The following AHNAK variants were observed in gnomAD, a reference collection of about 807,000 sequenced individuals.
AHNAK encodes AHNAK nucleoprotein.
AHNAK carries 23 observed loss-of-function variants against 37.8 expected under a neutral mutation model. The ratio of observed to expected loss-of-function variants is 0.61; its 90% CI spans 0.44 to 0.86. The LOEUF is 0.86. AHNAK is among the 40% of genes least tolerant of loss of function. The pLI is 0.00. For missense variants in AHNAK, 7,411 were observed against 7,319.4 expected (o/e 1.01, Z -0.46); for synonymous variants, 2,481 against 2,636.3 (o/e 0.94, Z 1.80).
chr11:62,534,606 C>T lies in AHNAK; in HGVS notation c.342+397G>A, dbSNP rs556669954. Among the ~76,000 whole-genome samples, 13 of 152,374 alleles carry T rather than the reference C, an allele frequency of 8.5e-5. No individual in the cohort carries two copies. In the South Asian group the frequency reaches 2.1e-3, roughly 24 times the overall value. Reference sequence around the variant, plus strand: ...GACCAATGTCCCCACAGGCACTTTGCTGCCCAGCGTCTGACCCACAGAATG... The same window carrying T: ...GACCAATGTCCCCACAGGCACTTTGTTGCCCAGCGTCTGACCCACAGAATG... On this transcript the variant is annotated intron_variant, in intron 4 of 4. Transcript: ENST00000378024.
At chr11:62,514,102 T>A (rs1274914094), downstream of AHNAK, among the ~76,000 whole-genome samples, 1 of 152,110 alleles carries the variant, frequency 6.6e-6, no homozygotes, top group Non-Finnish European at 1.5e-5. Context: ...AAAAAAAAAT[T>A]TAATTGATAT....
intron 5 of AHNAK, among the ~76,000 whole-genome samples, chr11:62,437,714 A>T (rs909509120): frequency 1.3e-5 from 2 of 152,206 alleles, no homozygotes; most frequent in Admixed American, 1.3e-4. Context: ...CAGCAGGCAT[A>T]TCTATAGCTT....
intron 4 of AHNAK, 57 bp downstream of exon 4, chr11:62,534,946 A>G: frequency 6.4e-7 from 1 of 1,567,104 alleles, no homozygotes; most frequent in South Asian, 1.1e-5. Context: ...GAGTGGGGTC[A>G]GCAGGCCGGC....
At chr11:62,467,993 A>G (rs1043755417) in intron 5 of AHNAK, among the ~76,000 whole-genome samples, 2 of 152,102 alleles carry the variant, frequency 1.3e-5, no homozygotes, top group Non-Finnish European at 2.9e-5. Flanking sequence ...TAAACAACAC[A>G]AGGTCCCTGT....
chr11:62,472,896 G>A (rs1195551135), intron 5 of AHNAK, among the ~76,000 whole-genome samples: 1 of 151,266 alleles, frequency 6.6e-6, no homozygotes, highest in Non-Finnish European at 1.5e-5. Flanking sequence ...AGACCAGCCT[G>A]GCCAACATAG....
In AHNAK at chr11:62,527,262, T is replaced by G; in HGVS notation, c.7155A>C (p.Lys2385Asn). The G allele has an allele frequency of 7.0e-7, 1 of 1,419,580 alleles. No homozygotes were observed. Among genetic ancestry groups the G allele is most frequent in the Admixed American group, 2.1e-5 (1 of 48,078 alleles). The allele number at this position is 1,419,580 out of a possible 1,614,324, so 87.9% of individuals were successfully genotyped here. Residue 2385 changes from lysine (K) to asparagine (N), a missense_variant, in exon 5 of 5, where the codon AAA (lysine) becomes AAC (asparagine). Lys to Asn is a moderately conservative substitution (Grantham distance 94). Transcript: ENST00000378024. ...KMPDMHFKAPKISMPDLDLHL... is the reference protein window; with the variant it reads ...KMPDMHFKAPNISMPDLDLHL... ...GTAGATCGAGGTCTGGCATAGAGAT[T>G]TTGGGAGCTTTAAAGTGCATATCTG...
Position 62,526,685 on chromosome 11 carries a change from T to G in AHNAK, c.7732A>C (p.Lys2578Gln), listed in dbSNP as rs1482439321. 1 of 1,613,088 alleles carries G rather than the reference T, an allele frequency of 6.2e-7. No homozygotes were observed. Among genetic ancestry groups the G allele is most frequent in the Non-Finnish European group, 8.5e-7 (1 of 1,179,808 alleles). The change falls in exon 5 of 5, where the codon AAG (lysine) becomes CAG (glutamine). Residue 2578 changes from lysine to glutamine, a missense_variant. By Grantham distance (53) the Lys-to-Gln change is moderately conservative. Transcript: ENST00000378024. ...AAATCAAAGTCAGGCATGGAGATCT[T>G]GGGGGCTTTGATGTTCATCTCTGGC... Reference protein sequence around the residue: ...KMPEMNIKAPKISMPDFDLHL... With the variant: ...KMPEMNIKAPQISMPDFDLHL...
chr11:62,504,018 A>G (rs1939761019), intron 4 of AHNAK, among the ~76,000 whole-genome samples: 1 of 151,820 alleles, frequency 6.6e-6, no homozygotes, highest in Admixed American at 6.6e-5. Context: ...AAAATTAGCC[A>G]GGCATGGTGG....
Position 62,530,790 on chromosome 11 carries a change from G to T in AHNAK, c.3627C>A (p.Val1209=), listed in dbSNP as rs1940713135. 1 of 1,611,228 alleles carries T rather than the reference G, an allele frequency of 6.2e-7. No individual in the cohort carries two copies. Reference sequence around the variant, plus strand: ...GCACAGACACATCCACATCCCCTTTGACTTTGGGGCCTTTCAAGTGTAAGT... The same window carrying T: ...GCACAGACACATCCACATCCCCTTTTACTTTGGGGCCTTTCAAGTGTAAGT... The part of the protein sequence containing the change: ...DVDLHLKGPK[V]KGDVDVSVPK... The change falls in exon 5 of 5, where the codon GTC becomes GTA. Residue 1209 remains valine (V), a synonymous_variant. Transcript: ENST00000378024.
rs1481976407 is a variant in AHNAK at position 62,521,186 on chromosome 11, C to T, written c.13231G>A (p.Glu4411Lys). The change falls in exon 5 of 5, where the codon GAA becomes AAA. Residue 4411 changes from glutamate to lysine, a missense_variant. Transcript: ENST00000378024. ...GDVDVSLPKVEGDLKGPEIDI... is the reference protein window; with the variant it reads ...GDVDVSLPKVKGDLKGPEIDI... Reference sequence around the variant, plus strand: ...ATTTCAGGGCCCTTGAGATCACCTTCCACTTTGGGCAGAGAGACATCCACA... The same window carrying T: ...ATTTCAGGGCCCTTGAGATCACCTTTCACTTTGGGCAGAGAGACATCCACA... 2 of 1,614,132 alleles carry T rather than the reference C, an allele frequency of 1.2e-6. No homozygotes were observed. Among genetic ancestry groups the T allele is most frequent in the South Asian group, 2.2e-5 (2 of 91,074 alleles).
chr11:62,502,155 G>A (rs1369579336), intron 4 of AHNAK, among the ~76,000 whole-genome samples: 1 of 151,976 alleles, frequency 6.6e-6, no homozygotes, highest in Non-Finnish European at 1.5e-5. Flanking sequence ...TGGGCTTCAG[G>A]TCCTCGACTT....
intron 5 of AHNAK, among the ~76,000 whole-genome samples, chr11:62,435,865 C>CT (rs1938157859): frequency 6.6e-6 from 1 of 152,168 alleles, no homozygotes; most frequent in African/African-American, 2.4e-5. Context: ...TCTACACTAC[C>CT]TTTTATTGCA....
rs1316739826 is a variant in AHNAK at position 62,521,343 on chromosome 11, A to G, written c.13074T>C (p.Asp4358=). The G allele has an allele frequency of 1.2e-6, 2 of 1,613,670 alleles. No individual in the cohort carries two copies. The highest frequency in any genetic ancestry group is 1.7e-6 in the Non-Finnish European group (2 of 1,179,956). ...SGPKVDIDAP[D]VSIEGPDAKL... is the part of the protein sequence containing the mutation. ...TTGCATCTGGACCTTCGATACTGACATCAGGGGCATCAATGTCCACTTTGG... is the reference window on the plus strand; with the variant it reads ...TTGCATCTGGACCTTCGATACTGACGTCAGGGGCATCAATGTCCACTTTGG... Residue 4358 remains aspartate, a synonymous_variant, in exon 5 of 5, where the codon GAT becomes GAC. Coordinates refer to ENST00000378024, the MANE Select transcript of AHNAK (RefSeq NM_001620.3).
In AHNAK at chr11:62,523,493, C is replaced by A. The variant is rs768927649; in HGVS notation, c.10924G>T (p.Val3642Phe). 11 of 1,613,834 alleles carry A rather than the reference C, an allele frequency of 6.8e-6. No homozygotes were observed. The highest frequency in any genetic ancestry group is 1.3e-5 in the African/African-American group (1 of 74,928). Reference protein sequence around the residue: ...DISGPNVDVDVPDVNIEGPDA... With the variant: ...DISGPNVDVDFPDVNIEGPDA... ...GGACCTTCAATATTCACGTCTGGAACATCAACGTCTACATTGGGACCAGAA... is the reference window on the plus strand; with the variant it reads ...GGACCTTCAATATTCACGTCTGGAAAATCAACGTCTACATTGGGACCAGAA... The change falls in exon 5 of 5, where the codon GTT becomes TTT. Residue 3642 changes from valine (V) to phenylalanine (F), a missense_variant. Val to Phe is a conservative substitution (Grantham distance 50, BLOSUM62 -1). Coordinates refer to ENST00000378024, the MANE Select transcript of AHNAK (RefSeq NM_001620.3).
At chr11:62,445,053 A>G (rs1938395913) in intron 5 of AHNAK, among the ~76,000 whole-genome samples, 1 of 152,176 alleles carries the variant, frequency 6.6e-6, no homozygotes, top group Non-Finnish European at 1.5e-5. Flanking sequence ...GGATAAATAA[A>G]GAGGGTGACC....
chr11:62,517,423 T>C lies in AHNAK; in HGVS notation c.16994A>G (p.Lys5665Arg). 1 of 1,614,118 alleles carries C rather than the reference T, an allele frequency of 6.2e-7. No individual in the cohort carries two copies. Residue 5665 changes from lysine to arginine, a missense_variant, in exon 5 of 5, where the codon AAA becomes AGA. By Grantham distance (26) the Lys-to-Arg change is conservative. Transcript: ENST00000378024. Reference sequence around the variant, plus strand: ...CAGCTCACGGCCAGAGAAGGTAAATTTGGGGATCTTCATTTTAGGGAATGT... The same window carrying C: ...CAGCTCACGGCCAGAGAAGGTAAATCTGGGGATCTTCATTTTAGGGAATGT... The part of the protein sequence containing the change: ...KVTFPKMKIP[K>R]FTFSGRELVG...
rs1940387102 is a variant in AHNAK, at chr11:62,524,302, T to A, written c.10115A>T (p.Lys3372Ile). The A allele has an allele frequency of 3.7e-6, 6 of 1,613,958 alleles. No homozygotes were observed. In the South Asian group the frequency reaches 4.4e-5, roughly 12 times the overall value. ...TATGTCAATATCTGGCTTTTTACCTTTGACATCCACTTCAGGTGTCTGAAC... is the reference window on the plus strand; with the variant it reads ...TATGTCAATATCTGGCTTTTTACCTATGACATCCACTTCAGGTGTCTGAAC... ...SKVQTPEVDV[K>I]GKKPDIDITG... Residue 3372 changes from lysine (K) to isoleucine (I), a missense_variant, in exon 5 of 5, where the codon AAA becomes ATA. Coordinates refer to ENST00000378024, the MANE Select transcript of AHNAK (RefSeq NM_001620.3).
Position 62,523,884 on chromosome 11 carries a change from G to T in AHNAK, c.10533C>A (p.Asn3511Lys). 6.2e-7 allele frequency: 1 copy of T among 1,614,054 alleles called. No homozygotes were observed. The highest frequency in any genetic ancestry group is 8.5e-7 in the Non-Finnish European group (1 of 1,180,022). ...GDINIEGPSM[N>K]IEGPDLNVEG... ...CCACATTGAGATCTGGGCCCTCAAT[G>T]TTCATACTTGGGCCCTCTATGTTGA... Residue 3511 changes from asparagine (N) to lysine (K), a missense_variant, in exon 5 of 5, where the codon AAC becomes AAA. Transcript: ENST00000378024.
chr11:62,486,173 T>C (rs1291845961), intron 5 of AHNAK, among the ~76,000 whole-genome samples: 1 of 151,702 alleles, frequency 6.6e-6, no homozygotes, highest in Non-Finnish European at 1.5e-5. Context: ...GTAGTCAAAT[T>C]CATACAGTCA....
Sources: gnomAD v4.1 joint callset for allele counts (sites outside exome capture counted in the v4.1 genomes callset) on GRCh38, gnomAD v4.1.1 for gene constraint, MANE v1.5 for transcripts, NCBI Gene and HGNC (gene_info 2026-07-23, HGNC 2026-07-21) for gene names.